Variants in LRRTM4 observed in about 807,000 individuals in gnomAD.
LRRTM4 encodes leucine rich repeat transmembrane neuronal 4, also known as leucine-rich repeat transmembrane neuronal protein 4.
A neutral mutation model predicts 47.6 loss-of-function variants in LRRTM4; 25 were observed. The observed-to-expected ratio is 0.53, with a 90% CI of 0.38 to 0.73. The LOEUF is 0.73. LRRTM4 is among the 30% of genes least tolerant of loss of function. The pLI, the probability that LRRTM4 is intolerant of heterozygous loss-of-function variation, is 0.00. For missense variants in LRRTM4, 638 were observed against 713.4 expected (o/e 0.89, Z 1.20); for synonymous variants, 311 against 269.5 (o/e 1.15, Z -1.51).
chr2:76,888,514 ATC>A (rs1673150379), intron 3 of LRRTM4, among the ~76,000 whole-genome samples: 1 of 151,706 alleles, frequency 6.6e-6, no homozygotes, highest in African/African-American at 2.4e-5. Flanking sequence ...ATGTATACAC[ATC>A]TCTCAGTATT....
chr2:77,296,891 T>C lies in LRRTM4; in HGVS notation c.1551+221427A>G, dbSNP rs180690580. On this transcript the variant is annotated intron_variant, in intron 3 of 3. Coordinates refer to ENST00000409884, the MANE Select transcript of LRRTM4 (RefSeq NM_001134745.3). Reference sequence around the variant, plus strand: ...TTTTCTCGTTCTGAGTTAAGATGCATAGTGACATAGTTAAGATGCTAAGCT... The same window carrying C: ...TTTTCTCGTTCTGAGTTAAGATGCACAGTGACATAGTTAAGATGCTAAGCT... 2.0e-5 allele frequency among the ~76,000 whole-genome samples: 3 copies of C among 152,282 alleles called. No homozygotes were observed. In the East Asian group the frequency reaches 5.8e-4, roughly 29 times the overall value.
At chr2:76,964,150 G>C (rs536683433) in intron 3 of LRRTM4, among the ~76,000 whole-genome samples, 1 of 151,082 alleles carries the variant, frequency 6.6e-6, no homozygotes, top group African/African-American at 2.4e-5. Flanking sequence ...CAAACAAAAT[G>C]AATGTTTGTA....
intron 3 of LRRTM4, among the ~76,000 whole-genome samples, chr2:76,949,823 C>T (rs1675440134): frequency 6.6e-6 from 1 of 151,700 alleles, no homozygotes; most frequent in Non-Finnish European, 1.5e-5. Context: ...ATTAAGAAAA[C>T]ACAGAAAATG....
intron 3 of LRRTM4, among the ~76,000 whole-genome samples, chr2:77,056,790 G>A (rs1679622984): frequency 6.6e-6 from 1 of 152,134 alleles, no homozygotes; most frequent in Non-Finnish European, 1.5e-5. Context: ...ATGGTTTCCA[G>A]TTTGGTGGGA....
chr2:77,299,278 C>CACACACAA (rs1553424522), intron 3 of LRRTM4, among the ~76,000 whole-genome samples: 3 of 150,210 alleles, frequency 2.0e-5, no homozygotes, highest in South Asian at 2.1e-4. Context: ...CACACACACA[C>CACACACAA]ACACACACAC....
intron 3 of LRRTM4, among the ~76,000 whole-genome samples, chr2:76,899,155 G>A (rs1286969846): frequency 6.6e-6 from 1 of 151,844 alleles, no homozygotes; most frequent in Non-Finnish European, 1.5e-5. Context: ...AAATATATAT[G>A]AGTATGCATA....
intron 3 of LRRTM4, among the ~76,000 whole-genome samples, chr2:77,086,998 T>C (rs1177466277): frequency 2.6e-5 from 4 of 152,158 alleles, no homozygotes; most frequent in Non-Finnish European, 5.9e-5. Context: ...ACCTTGTAGC[T>C]GAGCTCCCAG....
intron 3 of LRRTM4, among the ~76,000 whole-genome samples, chr2:76,900,699 T>C (rs1051316123): frequency 6.6e-6 from 1 of 152,184 alleles, no homozygotes; most frequent in Non-Finnish European, 1.5e-5. Flanking sequence ...TGGGACACTT[T>C]ACTTTCATAA....
At chr2:77,092,360 G>A (rs902572958) in intron 3 of LRRTM4, among the ~76,000 whole-genome samples, 1 of 151,120 alleles carries the variant, frequency 6.6e-6, no homozygotes, top group African/African-American at 2.5e-5. Context: ...TTGATTTATT[G>A]ATGGTGGTTC....
At chr2:76,810,978 G>C (rs1437178145) in intron 3 of LRRTM4, among the ~76,000 whole-genome samples, 5 of 152,032 alleles carry the variant, frequency 3.3e-5, no homozygotes, top group Non-Finnish European at 7.4e-5. Flanking sequence ...TAAAAAAAAA[G>C]TTAATAACTA....
At chr2:77,472,443 T>C (rs1208268895) in intron 3 of LRRTM4, among the ~76,000 whole-genome samples, 6 of 152,214 alleles carry the variant, frequency 3.9e-5, no homozygotes, top group African/African-American at 1.4e-4. Flanking sequence ...ACCAATGGGA[T>C]AGGATGTGCT....
In LRRTM4 at chr2:77,262,362, G is replaced by A. The variant is rs116005169; in HGVS notation, c.1551+255956C>T. 8.0e-3 allele frequency among the ~76,000 whole-genome samples: 1,222 copies of A among 152,130 alleles called. 5 individuals are homozygous for A. The highest frequency in any genetic ancestry group is 0.013 in the Non-Finnish European group (869 of 67,990). On this transcript the variant is annotated intron_variant, in intron 3 of 3. Transcript: ENST00000409884. ...AGTCCTTGCTGCCAGAAAGGTTGGG[G>A]ATCACTGCTAGACACCCCTTCCTAT...
chr2:76,771,652 AAAAAAG>A (rs1250271298), intron 3 of LRRTM4, among the ~76,000 whole-genome samples: 22 of 143,222 alleles, frequency 1.5e-4, no homozygotes, highest in South Asian at 1.4e-3. Context: ...AAAAAAAAAA[AAAAAAG>A]AAAAAGAAAA....
chr2:77,444,216 T>G (rs1029711233), intron 3 of LRRTM4, among the ~76,000 whole-genome samples: 1 of 152,122 alleles, frequency 6.6e-6, no homozygotes, highest in Admixed American at 6.6e-5. Context: ...ACCTAGGTGG[T>G]CATGGATAGA....
intron 3 of LRRTM4, among the ~76,000 whole-genome samples, chr2:76,781,968 A>C (rs888962638): frequency 1.3e-5 from 2 of 152,164 alleles, no homozygotes; most frequent in Non-Finnish European, 2.9e-5. Flanking sequence ...TTTTAAAGCC[A>C]AACCTCTTTC....
chr2:76,909,261 T>C (rs1266527620), intron 3 of LRRTM4, among the ~76,000 whole-genome samples: 1 of 152,200 alleles, frequency 6.6e-6, no homozygotes, highest in Non-Finnish European at 1.5e-5. Flanking sequence ...CCCTGTCTAA[T>C]AAATGGTGCT....
intron 3 of LRRTM4, among the ~76,000 whole-genome samples, chr2:77,308,112 A>AGTAT: frequency 7.3e-6 from 1 of 137,002 alleles, no homozygotes. Flanking sequence ...TATGTTATAT[A>AGTAT]TTATTTATAT....
intron 3 of LRRTM4, among the ~76,000 whole-genome samples, chr2:77,379,418 T>C (rs1672965361): frequency 6.6e-6 from 1 of 152,124 alleles, no homozygotes; most frequent in Non-Finnish European, 1.5e-5. Context: ...CACTCTCTCC[T>C]CCAATTATAT....
intron 3 of LRRTM4, among the ~76,000 whole-genome samples, chr2:76,796,132 A>AGATTATACCACG (rs1675305006): frequency 7.2e-6 from 1 of 138,744 alleles, no homozygotes; most frequent in Non-Finnish European, 1.6e-5. Flanking sequence ...GGCACACCAC[A>AGATTATACCACG]AGATTATATC....
Sources: allele counts gnomAD v4.1 joint callset (sites outside exome capture counted in the v4.1 genomes callset), GRCh38; gene constraint gnomAD v4.1.1; transcripts MANE v1.5; gene names NCBI Gene and HGNC (gene_info 2026-07-23, HGNC 2026-07-21).